The following CDK14 variants were observed in gnomAD, a reference collection of about 807,000 sequenced individuals.
CDK14 encodes cyclin dependent kinase 14, also known as cyclin-dependent kinase 14.
A neutral mutation model predicts 60.7 loss-of-function variants in CDK14; 34 were observed. That is an observed-to-expected ratio of 0.56 (90% CI 0.43 to 0.75). The LOEUF is 0.75. Among genes scored for constraint, CDK14 ranks in the 30% least tolerant of loss-of-function variants. The pLI is 0.00. For missense variants in CDK14, 482 were observed against 564.1 expected (o/e 0.85, Z 1.47); for synonymous variants, 197 against 203.7 (o/e 0.97, Z 0.28).
intron 14 of CDK14, among the ~76,000 whole-genome samples, chr7:91,199,387 C>T (rs1366792297): frequency 1.3e-5 from 2 of 151,986 alleles, no homozygotes; most frequent in Admixed American, 1.3e-4. Flanking sequence ...TAAATCAGTA[C>T]TTTTCCCTAT....
chr7:91,199,995 A>G (rs1176093964), intron 14 of CDK14, among the ~76,000 whole-genome samples: 1 of 152,204 alleles, frequency 6.6e-6, no homozygotes, highest in African/African-American at 2.4e-5. Context: ...CTAATTTTCT[A>G]CTTCCTTCTG....
chr7:90,854,269 T>G (rs1433929261), intron 5 of CDK14, among the ~76,000 whole-genome samples: 1 of 152,210 alleles, frequency 6.6e-6, no homozygotes, highest in Admixed American at 6.5e-5. Flanking sequence ...ATCCCAGCAC[T>G]TTGGGAGGCC....
chr7:91,058,660 A>G (rs535817389), intron 11 of CDK14, among the ~76,000 whole-genome samples: 1 of 152,358 alleles, frequency 6.6e-6, no homozygotes, highest in East Asian at 1.9e-4. Flanking sequence ...TATTGAGATA[A>G]TCATGTGGTT....
In CDK14 at chr7:90,796,644, G is replaced by T. The variant is rs558669763; in HGVS notation, c.544+5992G>T. ...AAATATGGAATTAAGGCTCAGAGGG[G>T]TTAGATGACTTGTCTAAGGAGCAGG... On this transcript the variant is annotated intron_variant, in intron 5 of 14. Coordinates refer to ENST00000380050, the MANE Select transcript of CDK14 (RefSeq NM_001287135.2). 2.0e-5 allele frequency among the ~76,000 whole-genome samples: 3 copies of T among 152,138 alleles called. No individual in the cohort carries two copies. The East Asian group carries it at 5.8e-4, about 30-fold the overall frequency.
At chr7:90,748,655 T>A (rs1803691386) in intron 4 of CDK14, among the ~76,000 whole-genome samples, 3 of 152,292 alleles carry the variant, frequency 2.0e-5, no homozygotes, top group South Asian at 4.1e-4. Context: ...TGATAACGGC[T>A]CATTGCAGCC....
chr7:91,187,054 G>A (rs774893692), intron 14 of CDK14, among the ~76,000 whole-genome samples: 13 of 152,248 alleles, frequency 8.5e-5, no homozygotes, highest in East Asian at 1.9e-4. Flanking sequence ...AAAACAGTAC[G>A]TAATTATGTG....
chr7:90,996,860 A>G lies in CDK14; in HGVS notation c.1041+12619A>G, dbSNP rs530687229. 3.3e-5 allele frequency among the ~76,000 whole-genome samples: 5 copies of G among 152,334 alleles called. No individual in the cohort carries two copies. In the East Asian group the frequency reaches 7.7e-4, roughly 23 times the overall value. On this transcript the variant is annotated intron_variant, in intron 10 of 14. Coordinates refer to ENST00000380050, the MANE Select transcript of CDK14 (RefSeq NM_001287135.2). ...AGTGAATCTGAGTCTCTGTGTGGGC[A>G]TATATTCTTCTCCAGGACAAAAGCA...
chr7:90,949,057 A>G (rs1794179470), intron 8 of CDK14, among the ~76,000 whole-genome samples: 1 of 152,250 alleles, frequency 6.6e-6, no homozygotes, highest in Admixed American at 6.5e-5. Context: ...AAAAACAGAA[A>G]AAAATGTAAT....
intron 6 of CDK14, among the ~76,000 whole-genome samples, chr7:90,894,442 A>G (rs567955574): frequency 2.6e-5 from 4 of 152,306 alleles, no homozygotes; most frequent in Admixed American, 6.5e-5. Flanking sequence ...CCTACATCTA[A>G]AAAATAACCT....
At chr7:90,807,044 G>A (rs1788874574) in intron 5 of CDK14, among the ~76,000 whole-genome samples, 1 of 152,200 alleles carries the variant, frequency 6.6e-6, no homozygotes, top group East Asian at 1.9e-4. Context: ...TCTGGGGGCA[G>A]GGCATAGCCA....
At chr7:90,848,429 G>A (rs1227169243) in intron 5 of CDK14, among the ~76,000 whole-genome samples, 2 of 152,212 alleles carry the variant, frequency 1.3e-5, no homozygotes, top group African/African-American at 2.4e-5. Context: ...ACTCTGCAGT[G>A]TTTCAGGTAG....
chr7:91,116,983 A>G (rs959442939), intron 13 of CDK14, among the ~76,000 whole-genome samples: 1 of 150,710 alleles, frequency 6.6e-6, no homozygotes, highest in Non-Finnish European at 1.5e-5. Context: ...TGATTTAAAT[A>G]TCATCTATAC....
rs1803651656 is a variant in CDK14 at position 90,747,746 on chromosome 7, T to G, written c.435T>G (p.Ser145=). ...AGCTGGAAAAACTAGGGGAAGGATCTTATGCTACAGTATACAAAGGGAAAA... is the reference window on the plus strand; with the variant it reads ...AGCTGGAAAAACTAGGGGAAGGATCGTATGCTACAGTATACAAAGGGAAAA... ...YEKLEKLGEG[S]YATVYKGKSK... Residue 145 remains serine (S), a synonymous_variant, in exon 4 of 15, where the codon TCT becomes TCG. Transcript: ENST00000380050. The G allele has an allele frequency of 6.3e-7, 1 of 1,596,752 alleles. No individual in the cohort carries two copies. Among genetic ancestry groups the G allele is most frequent in the African/African-American group, 1.4e-5 (1 of 73,934 alleles).
chr7:90,749,555 AT>A (rs766727395), intron 4 of CDK14, among the ~76,000 whole-genome samples: 1 of 152,196 alleles, frequency 6.6e-6, no homozygotes, highest in Non-Finnish European at 1.5e-5. Context: ...ATCTCCAGGC[AT>A]TTGGAGCACC....
At chr7:90,850,893 C>A (rs1790627950) in intron 5 of CDK14, among the ~76,000 whole-genome samples, 1 of 152,112 alleles carries the variant, frequency 6.6e-6, no homozygotes, top group African/African-American at 2.4e-5. Flanking sequence ...TCTTCTTAAA[C>A]CTCTTTAGTC....
At chr7:90,598,965 A>G (rs1361109955) in intron 1 of CDK14, among the ~76,000 whole-genome samples, 4 of 151,852 alleles carry the variant, frequency 2.6e-5, no homozygotes, top group Non-Finnish European at 5.9e-5. Flanking sequence ...CGGCCTCCCA[A>G]AGTGCTGGGA....
intron 10 of CDK14, among the ~76,000 whole-genome samples, chr7:91,030,551 C>A (rs928960618): frequency 7.2e-5 from 11 of 152,184 alleles, no homozygotes; most frequent in African/African-American, 2.6e-4. Context: ...CATATTCTGC[C>A]TCTCAAATGC....
intron 2 of CDK14, among the ~76,000 whole-genome samples, chr7:90,671,264 A>G (rs1302617839): frequency 2.0e-5 from 3 of 151,588 alleles, no homozygotes; most frequent in Non-Finnish European, 4.4e-5. Context: ...CTTAGAAGCC[A>G]TAGATTCTTC....
At chr7:90,729,519 AG>A (rs1157244960) in intron 3 of CDK14, among the ~76,000 whole-genome samples, 1 of 151,370 alleles carries the variant, frequency 6.6e-6, no homozygotes, top group Non-Finnish European at 1.5e-5. Context: ...TGAATTGGTA[AG>A]GGGGAGAGAT....
Sources: gnomAD v4.1 joint callset for allele counts (sites outside exome capture counted in the v4.1 genomes callset) on GRCh38, gnomAD v4.1.1 for gene constraint, MANE v1.5 for transcripts, NCBI Gene and HGNC (gene_info 2026-07-23, HGNC 2026-07-21) for gene names.